The following SLC31A1 variants were observed in gnomAD, a reference collection of about 807,000 sequenced individuals.
SLC31A1 encodes solute carrier family 31 member 1.
SLC31A1 carries 5 observed loss-of-function variants against 17.2 expected under a neutral mutation model. That is an observed-to-expected ratio of 0.29 (90% CI 0.15 to 0.61). The LOEUF is 0.61. SLC31A1 is among the 20% of genes least tolerant of loss of function. The probability of loss-of-function intolerance (pLI) is 0.86; values close to 1 mark genes in which losing one functional copy is unlikely to be tolerated. For synonymous variants in SLC31A1, 76 were observed against 78.8 expected (o/e 0.96, Z 0.19); for missense variants, 161 against 241.4 (o/e 0.67, Z 2.21).
At chr9:113,244,337 C>CT (rs1831554487) in intron 1 of SLC31A1, among the ~76,000 whole-genome samples, 1 of 152,088 alleles carries the variant, frequency 6.6e-6, no homozygotes, top group Non-Finnish European at 1.5e-5. Context: ...CTTTATGTCT[C>CT]TGACAGTTGG....
chr9:113,253,898 T>G (rs1564217731), intron 1 of SLC31A1, among the ~76,000 whole-genome samples: 1 of 151,156 alleles, frequency 6.6e-6, no homozygotes, highest in African/African-American at 2.4e-5. Flanking sequence ...GGGGTAGGAG[T>G]TAACAAGGAG....
chr9:113,260,519 T>C lies in SLC31A1; in HGVS notation c.*46T>C. ...CCTTATCGATTGCAGTGGGAAGTTG[T>C]TGAAGACTTGAAGACGTGATTCCTG... On this transcript the variant is annotated 3_prime_UTR_variant, in exon 5 of 5. Transcript: ENST00000374212. 2 of 1,480,390 alleles carry C rather than the reference T, an allele frequency of 1.4e-6. No homozygotes were observed. Among genetic ancestry groups the C allele is most frequent in the African/African-American group, 1.4e-5 (1 of 72,484 alleles). The allele number at this position is 1,480,390 out of a possible 1,614,324, so 91.7% of individuals were successfully genotyped here. A position where few individuals can be genotyped will look rare whatever the true frequency, so the allele number is the denominator to read the frequency against.
chr9:113,229,478 G>A (rs139827491), intron 1 of SLC31A1, among the ~76,000 whole-genome samples: 7 of 152,010 alleles, frequency 4.6e-5, no homozygotes, highest in Admixed American at 1.3e-4. Flanking sequence ...ATATATGATC[G>A]TTCTCATTCT....
chr9:113,224,297 G>A (rs1831317432), intron 1 of SLC31A1, among the ~76,000 whole-genome samples: 1 of 152,178 alleles, frequency 6.6e-6, no homozygotes, highest in South Asian at 2.1e-4. Context: ...TTTTAACATG[G>A]AATGAATACT....
intron 1 of SLC31A1, 105 bp from the exon 2 acceptor site, chr9:113,256,009 C>A: frequency 1.2e-6 from 1 of 801,152 alleles, no homozygotes; most frequent in Non-Finnish European, 1.9e-6. Context: ...ATAGCCATTG[C>A]ATTCCAGCCT....
intron 1 of SLC31A1, among the ~76,000 whole-genome samples, chr9:113,252,727 C>T (rs1831669264): frequency 1.3e-5 from 2 of 152,132 alleles, no homozygotes; most frequent in South Asian, 4.1e-4. Context: ...TTCTTTATTT[C>T]CTTTGGTCTT....
chr9:113,254,882 A>C (rs1046468792), intron 1 of SLC31A1, among the ~76,000 whole-genome samples: 6 of 152,090 alleles, frequency 3.9e-5, no homozygotes, highest in Admixed American at 2.0e-4. Flanking sequence ...CTGGGCAACC[A>C]TGCAAAACTC....
intron 1 of SLC31A1, among the ~76,000 whole-genome samples, chr9:113,254,173 C>T (rs1348880240): frequency 3.3e-5 from 5 of 151,804 alleles, no homozygotes; most frequent in Non-Finnish European, 7.4e-5. Flanking sequence ...AGGCTGGTCT[C>T]GAACTCCTGG....
In SLC31A1 at chr9:113,264,310, GTCTC is replaced by G. The variant is rs1831830858; in HGVS notation, c.*3838_*3841del. ...GCCTGGGCGACAAGAGCAAAACTCC[GTCTC>G]AAAAAAAAAAAAAAGATACAAAGTC... is the stretch of plus-strand genomic sequence containing the variant. On this transcript the variant is annotated 3_prime_UTR_variant, in exon 5 of 5. Coordinates refer to ENST00000374212, the MANE Select transcript of SLC31A1 (RefSeq NM_001859.4). 6.7e-6 allele frequency: 1 copy of G among 148,318 alleles called. No individual in the cohort carries two copies. The highest frequency in any genetic ancestry group is 1.5e-5 in the Non-Finnish European group (1 of 67,260). 9.2% of individuals were successfully genotyped at this position (148,318 alleles called of 1,614,324 possible). A position where few individuals can be genotyped will look rare whatever the true frequency, so the allele number is the denominator to read the frequency against.
At position 113,257,295 on chromosome 9, in the gene SLC31A1, T is replaced by C; in HGVS notation, c.202+110T>C. ...TGTCCTAATTACTAAGTCAACATGG[T>C]AATGATGCATAACCATCTTGGTTCC... On this transcript the variant is annotated intron_variant, in intron 3 of 4. Coordinates refer to ENST00000374212, the MANE Select transcript of SLC31A1 (RefSeq NM_001859.4). 5 of 909,800 alleles carry C rather than the reference T, an allele frequency of 5.5e-6. No individual in the cohort carries two copies. The Admixed American group carries it at 8.6e-5, about 16-fold the overall frequency. The allele number at this position is 909,800 out of a possible 1,614,324, so 56.4% of individuals were successfully genotyped here. A position where few individuals can be genotyped will look rare whatever the true frequency, so the allele number is the denominator to read the frequency against.
At chr9:113,255,386 A>T (rs1483648050) in intron 1 of SLC31A1, among the ~76,000 whole-genome samples, 2 of 152,174 alleles carry the variant, frequency 1.3e-5, no homozygotes, top group African/African-American at 4.8e-5. Context: ...CTTATCTAAT[A>T]TTTAAGTTTG....
chr9:113,257,038 C>A, intron 2 of SLC31A1, 75 bp from the exon 3 acceptor site: 1 of 1,191,352 alleles, frequency 8.4e-7, no homozygotes, highest in Non-Finnish European at 1.3e-6. Context: ...TTTAAATGTT[C>A]TAAGCTTCTT....
chr9:113,261,595 A>C lies in SLC31A1; in HGVS notation c.*1122A>C, dbSNP rs1045289479. ...TGTCCCAGCTGAAGTGAAGCAAGAG[A>C]GTTTGAATTAATTTTTCCATTATAA... On this transcript the variant is annotated 3_prime_UTR_variant, in exon 5 of 5. Coordinates refer to ENST00000374212, the MANE Select transcript of SLC31A1 (RefSeq NM_001859.4). The C allele has an allele frequency of 6.6e-6, 1 of 152,594 alleles. No homozygotes were observed. The highest frequency in any genetic ancestry group is 1.5e-5 in the Non-Finnish European group (1 of 68,028). 9.5% of individuals were successfully genotyped at this position (152,594 alleles called of 1,614,324 possible). A position where few individuals can be genotyped will look rare whatever the true frequency, so the allele number is the denominator to read the frequency against.
intron 1 of SLC31A1, among the ~76,000 whole-genome samples, chr9:113,223,470 T>C (rs1831309640): frequency 6.6e-6 from 1 of 152,206 alleles, no homozygotes; most frequent in African/African-American, 2.4e-5. Context: ...CCCTAAGCAC[T>C]GTAAAATGAG....
intron 1 of SLC31A1, among the ~76,000 whole-genome samples, chr9:113,236,473 C>T (rs955687063): frequency 3.3e-5 from 5 of 152,162 alleles, no homozygotes; most frequent in Admixed American, 3.3e-4. Flanking sequence ...ACGCCATTCT[C>T]CTGCCTCAAC....
At chr9:113,229,797 T>C (rs1831382767) in intron 1 of SLC31A1, among the ~76,000 whole-genome samples, 1 of 152,214 alleles carries the variant, frequency 6.6e-6, no homozygotes, top group African/African-American at 2.4e-5. Context: ...TCTTAATTTT[T>C]ATCTCTTACT....
intron 1 of SLC31A1, among the ~76,000 whole-genome samples, chr9:113,252,946 CTTTTTTTCTTTTTTTTT>C (rs1376489921): frequency 8.8e-6 from 1 of 113,708 alleles, no homozygotes; most frequent in Non-Finnish European, 1.8e-5. Flanking sequence ...CTTTTCTTTT[CTTTTTTTCTTTTTTTTT>C]TTTTTTTTGA....
rs192089668 is a variant in SLC31A1 at position 113,229,089 on chromosome 9, G to A, written c.-36+7411G>A. Among the ~76,000 whole-genome samples the A allele has an allele frequency of 5.3e-3, 803 of 152,230 alleles. 4 individuals carry two copies. Among genetic ancestry groups the A allele is most frequent in the Non-Finnish European group, 8.0e-3 (545 of 67,992 alleles). ...TTGAACTCCTGACCTCAGGTGATCC[G>A]CCCGCCATGGCCTCCCAAAGTGCTG... On this transcript the variant is annotated intron_variant, in intron 1 of 4. Coordinates refer to ENST00000374212, the MANE Select transcript of SLC31A1 (RefSeq NM_001859.4).
chr9:113,250,561 G>T (rs895473642), intron 1 of SLC31A1, among the ~76,000 whole-genome samples: 5 of 149,904 alleles, frequency 3.3e-5, no homozygotes, highest in African/African-American at 1.2e-4. Flanking sequence ...ATAGCACTGG[G>T]AGATATACCT....
Sources: gnomAD v4.1 joint callset for allele counts (sites outside exome capture counted in the v4.1 genomes callset) on GRCh38, gnomAD v4.1.1 for gene constraint, MANE v1.5 for transcripts, NCBI Gene and HGNC (gene_info 2026-07-23, HGNC 2026-07-21) for gene names.